Variants in ADAD1 observed in about 807,000 individuals in gnomAD.
The protein encoded by ADAD1 is adenosine deaminase domain containing 1.
Under a neutral mutation model 66.8 loss-of-function variants are expected in ADAD1, and 46 were observed. That is an observed-to-expected ratio of 0.69 (90% CI 0.54 to 0.88). ADAD1 has a LOEUF of 0.88. ADAD1 is among the 40% of genes least tolerant of loss of function. The pLI, the probability that ADAD1 is intolerant of heterozygous loss-of-function variation, is 0.00. For synonymous variants in ADAD1, 248 were observed against 229.4 expected (o/e 1.08, Z -0.73); for missense variants, 617 against 681.8 (o/e 0.91, Z 1.06).
intron 5 of ADAD1, among the ~76,000 whole-genome samples, chr4:122,393,133 G>A (rs1237447061): frequency 3.3e-5 from 5 of 149,926 alleles, no homozygotes; most frequent in African/African-American, 1.2e-4. Flanking sequence ...CAGTTGTAAA[G>A]AGTGAGACTA....
intron 5 of ADAD1, 107 bp from the exon 6 acceptor site, chr4:122,393,482 C>T (rs144384641): frequency 3.1e-4 from 295 of 953,944 alleles, no homozygotes; most frequent in Middle Eastern, 4.9e-4. Context: ...GGCAAAAATA[C>T]GGAAAAAAAA....
At chr4:122,403,992 C>G (rs1388616009) in intron 7 of ADAD1, among the ~76,000 whole-genome samples, 1 of 152,172 alleles carries the variant, frequency 6.6e-6, no homozygotes, top group Non-Finnish European at 1.5e-5. Flanking sequence ...AGCCCCCACA[C>G]AGCCAACAAG....
chr4:122,387,869 C>T (rs1036552797), intron 5 of ADAD1, among the ~76,000 whole-genome samples: 1 of 151,778 alleles, frequency 6.6e-6, no homozygotes, highest in Admixed American at 6.6e-5. Context: ...ATGCCATTCT[C>T]CTGCCTGAGC....
intron 7 of ADAD1, among the ~76,000 whole-genome samples, chr4:122,404,293 G>A (rs562243949): frequency 2.0e-5 from 3 of 152,272 alleles, no homozygotes; most frequent in Non-Finnish European, 2.9e-5. Context: ...CACTGGCTGC[G>A]TTACTCAAGG....
At chr4:122,406,038 A>G (rs573989074) in intron 7 of ADAD1, among the ~76,000 whole-genome samples, 59 of 152,278 alleles carry the variant, frequency 3.9e-4, no homozygotes, top group Non-Finnish European at 7.5e-4. Context: ...TACAGTGAAC[A>G]TGGGAGTGTA....
intron 7 of ADAD1, among the ~76,000 whole-genome samples, chr4:122,399,468 A>G (rs1300544642): frequency 6.6e-6 from 1 of 152,050 alleles, no homozygotes; most frequent in Non-Finnish European, 1.5e-5. Flanking sequence ...TAGACTATGC[A>G]GGTTGTTTTT....
At chr4:122,401,506 A>G (rs1005708210) in intron 7 of ADAD1, among the ~76,000 whole-genome samples, 9 of 152,138 alleles carry the variant, frequency 5.9e-5, no homozygotes, top group East Asian at 1.9e-4. Context: ...AATATCTGCT[A>G]AGTTCATTTG....
At chr4:122,416,219 A>G (rs1460728614) in intron 11 of ADAD1, among the ~76,000 whole-genome samples, 1 of 152,190 alleles carries the variant, frequency 6.6e-6, no homozygotes, top group Admixed American at 6.5e-5. Flanking sequence ...GTTCTAACCC[A>G]GACATTTTAT....
intron 7 of ADAD1, among the ~76,000 whole-genome samples, chr4:122,406,878 C>G (rs749501494): frequency 1.3e-5 from 2 of 152,154 alleles, no homozygotes; most frequent in Non-Finnish European, 2.9e-5. Flanking sequence ...GCTTTTCTCT[C>G]ATTATCTTCA....
chr4:122,392,872 T>A (rs1386520713), intron 5 of ADAD1, among the ~76,000 whole-genome samples: 1 of 152,180 alleles, frequency 6.6e-6, no homozygotes, highest in East Asian at 1.9e-4. Flanking sequence ...TCGTATGAGC[T>A]CTAAGGTGAC....
intron 12 of ADAD1, among the ~76,000 whole-genome samples, chr4:122,427,263 G>A (rs943084141): frequency 7.2e-5 from 11 of 152,152 alleles, no homozygotes; most frequent in African/African-American, 2.7e-4. Context: ...GTGTGTGTTC[G>A]TGTGTAAACA....
chr4:122,415,420 A>G lies in ADAD1; in HGVS notation c.1291A>G (p.Ile431Val), dbSNP rs1330298013. ...CSDTRGLEIA[I>V]KQRVDDALTS... is the part of the protein sequence containing the mutation. ...TGATACCAGAGGCTTAGAAATCGCT[A>G]TAAAGCAACGTGTTGATGATGCACT... is the stretch of plus-strand genomic sequence containing the variant. Residue 431 changes from isoleucine to valine, a missense_variant, in exon 11 of 13, where the codon ATA becomes GTA. Coordinates refer to ENST00000296513, the MANE Select transcript of ADAD1 (RefSeq NM_139243.4). The G allele has an allele frequency of 5.6e-6, 9 of 1,613,800 alleles. No individual in the cohort carries two copies. The highest frequency in any genetic ancestry group is 5.0e-5 in the Admixed American group (3 of 60,000).
At chr4:122,392,131 T>C (rs183652899) in intron 5 of ADAD1, among the ~76,000 whole-genome samples, 3 of 152,338 alleles carry the variant, frequency 2.0e-5, no homozygotes, top group Admixed American at 2.0e-4. Context: ...TGGAATTAAA[T>C]CTATCTGTCT....
chr4:122,394,940 A>G (rs1795625657), intron 6 of ADAD1, among the ~76,000 whole-genome samples: 1 of 152,198 alleles, frequency 6.6e-6, no homozygotes, highest in Non-Finnish European at 1.5e-5. Flanking sequence ...CAAGTTTTGG[A>G]TGTTATAACT....
In ADAD1 at chr4:122,380,153, A is replaced by C; in HGVS notation, c.84A>C (p.Pro28=). Residue 28 remains proline (P), a synonymous_variant, in exon 3 of 13, where the codon CCA becomes CCC. Transcript: ENST00000296513. ...QMLKKNLPVQ[P]ATKTITTPTG... ...TGAAAAAGAACCTGCCAGTTCAACCAGCGACAAAGACGATAACTACACCCA... is the reference window on the plus strand; with the variant it reads ...TGAAAAAGAACCTGCCAGTTCAACCCGCGACAAAGACGATAACTACACCCA... 6.2e-7 allele frequency: 1 copy of C among 1,614,220 alleles called. No individual in the cohort carries two copies. The highest frequency in any genetic ancestry group is 8.5e-7 in the Non-Finnish European group (1 of 1,180,042).
Position 122,411,332 on chromosome 4 carries a change from T to G in ADAD1, c.959T>G (p.Ile320Ser), listed in dbSNP as rs542529171. 6.2e-7 allele frequency: 1 copy of G among 1,613,438 alleles called. No homozygotes were observed. The highest frequency in any genetic ancestry group is 1.3e-5 in the African/African-American group (1 of 74,992). The stretch of plus-strand genomic sequence containing the variant: ...AATCTACTCACTCTTAAACAGAATA[T>G]CAACATTTGCCTTTACATGAACCAG... Reference protein sequence around the residue: ...TSNLLTLKQNINICLYMNQLP... With the variant: ...TSNLLTLKQNSNICLYMNQLP... The change falls in exon 9 of 13, where the codon ATC (isoleucine) becomes AGC (serine). Residue 320 changes from isoleucine (I) to serine (S), a missense_variant. Physicochemically the swap from Ile to Ser is moderately radical, Grantham distance 142. Transcript: ENST00000296513.
At chr4:122,426,002 A>G (rs1797217032) in intron 12 of ADAD1, among the ~76,000 whole-genome samples, 2 of 152,110 alleles carry the variant, frequency 1.3e-5, no homozygotes, top group African/African-American at 4.8e-5. Context: ...ATGAAATGTA[A>G]TGAATCAGAA....
At position 122,379,936 on chromosome 4, in the gene ADAD1, C is replaced by G. The variant is rs940444987; in HGVS notation, c.-8-126C>G. On this transcript the variant is annotated intron_variant, in intron 2 of 12. Transcript: ENST00000296513. The stretch of plus-strand genomic sequence containing the variant: ...TGAGATCAGTTCAAGAGGGATTTGA[C>G]TCTAGTCATCTGAATATGTGCCAAG... 11 of 904,028 alleles carry G rather than the reference C, an allele frequency of 1.2e-5. No individual in the cohort carries two copies. The African/African-American group carries it at 1.9e-4, about 15-fold the overall frequency. 56.0% of individuals were successfully genotyped at this position (904,028 alleles called of 1,614,324 possible).
chr4:122,393,692 G>T, intron 6 of ADAD1, 35 bp downstream of exon 6: 2 of 1,469,804 alleles, frequency 1.4e-6, no homozygotes, highest in South Asian at 2.6e-5. Context: ...TTCTTTAGAA[G>T]AGTAGCCCAA....
Sources: allele counts gnomAD v4.1 joint callset (sites outside exome capture counted in the v4.1 genomes callset), GRCh38; gene constraint gnomAD v4.1.1; transcripts MANE v1.5; gene names NCBI Gene and HGNC (gene_info 2026-07-23, HGNC 2026-07-21).